Variants in ITIH2 observed in about 807,000 individuals in gnomAD.
ITIH2 encodes the protein inter-alpha-trypsin inhibitor heavy chain 2.
A neutral mutation model predicts 104.4 loss-of-function variants in ITIH2; 103 were observed. The ratio of observed to expected loss-of-function variants is 0.99; its 90% CI spans 0.84 to 1.16. ITIH2 has a LOEUF of 1.16. Among genes scored for constraint, ITIH2 ranks in the 50% most tolerant of loss-of-function variants. ITIH2 has a pLI of 0.00. For synonymous variants in ITIH2, 436 were observed against 435.4 expected, an observed-to-expected ratio of 1.00 and a Z score of -0.02; for missense variants, 1,108 against 1,162.4, an observed-to-expected ratio of 0.95 and a Z score of 0.68.
At position 7,722,627 on chromosome 10, in the gene ITIH2, C is replaced by T. The variant is rs73621301; in HGVS notation, c.868-824C>T. ...CCATGTTTTCTCATCTCTGGGGCTG[C>T]GCTGTCTGGAACTCTCTTCCCCATT... On this transcript the variant is annotated intron_variant, in intron 8 of 20. Transcript: ENST00000358415. Among the ~76,000 whole-genome samples the T allele has an allele frequency of 2.1e-3, 313 of 152,236 alleles. 7 individuals are homozygous for T. Among genetic ancestry groups the T allele is most frequent in the African/African-American group, 6.1e-3 (252 of 41,538 alleles).
intron 2 of ITIH2, among the ~76,000 whole-genome samples, chr10:7,706,840 G>A (rs1190150171): frequency 3.9e-5 from 6 of 152,122 alleles, no homozygotes; most frequent in African/African-American, 7.2e-5. Context: ...CCTCATGGCC[G>A]AATGGAGGAT....
intron 1 of ITIH2, among the ~76,000 whole-genome samples, chr10:7,704,171 G>A (rs1306458647): frequency 6.6e-6 from 1 of 152,226 alleles, no homozygotes. Flanking sequence ...TCATACAAGA[G>A]CTATTTTTAT....
chr10:7,749,220 G>A lies in ITIH2; in HGVS notation c.2727G>A (p.Val909=). 6.2e-7 allele frequency: 1 copy of A among 1,614,162 alleles called. No individual in the cohort carries two copies. Among genetic ancestry groups the A allele is most frequent in the Non-Finnish European group, 8.5e-7 (1 of 1,180,034 alleles). The change falls in exon 21 of 21, where the codon GTG becomes GTA. Residue 909 remains valine (V), a synonymous_variant. Coordinates refer to ENST00000358415, the MANE Select transcript of ITIH2 (RefSeq NM_002216.3). ...AGAAAGACTACAGAACGGATCTAGT[G>A]TTTGGAACGGACGTTACCTGCTGGT... ...GLQKDYRTDL[V]FGTDVTCWFV... is the part of the protein sequence containing the mutation.
Position 7,738,540 on chromosome 10 carries a change from T to G in ITIH2, c.1958-81T>G. ...TAAGCTGACAATACCTGGGGGTGCA[T>G]AAAACAGATTCTTGACATGGTGAGC... On this transcript the variant is annotated intron_variant, in intron 15 of 20. Transcript: ENST00000358415. 2.7e-6 allele frequency: 4 copies of G among 1,505,710 alleles called. No individual in the cohort carries two copies. In the South Asian group the frequency reaches 4.5e-5, roughly 17 times the overall value. 93.3% of individuals were successfully genotyped at this position (1,505,710 alleles called of 1,614,324 possible).
chr10:7,746,732 G>C, intron 20 of ITIH2, 28 bp downstream of exon 20: 2 of 1,406,306 alleles, frequency 1.4e-6, no homozygotes, highest in Non-Finnish European at 2.0e-6. Flanking sequence ...GGACAGTGAC[G>C]AAAAGGCCTT....
chr10:7,748,391 T>TGCGC (rs1835200774), intron 20 of ITIH2, among the ~76,000 whole-genome samples: 1 of 149,744 alleles, frequency 6.7e-6, no homozygotes, highest in Non-Finnish European at 1.5e-5. Flanking sequence ...GTTCACGCAG[T>TGCGC]GTGAACGAGA....
At chr10:7,713,914 G>A (rs1294503054) in intron 5 of ITIH2, among the ~76,000 whole-genome samples, 1 of 151,922 alleles carries the variant, frequency 6.6e-6, no homozygotes, top group African/African-American at 2.4e-5. Flanking sequence ...TGTTGTCTAG[G>A]CTGGCCTCAA....
chr10:7,737,426 T>TAC (rs1554766638), intron 15 of ITIH2, among the ~76,000 whole-genome samples: 21 of 131,092 alleles, frequency 1.6e-4, no homozygotes, highest in African/African-American at 5.6e-4. Context: ...TATATATATA[T>TAC]ACACGTGTAT....
At position 7,709,043 on chromosome 10, in the gene ITIH2, CTT is replaced by C; in HGVS notation, c.216_217del (p.Tyr73Ter). 1 of 1,614,026 alleles carries C rather than the reference CTT, an allele frequency of 6.2e-7. No homozygotes were observed. Among genetic ancestry groups the C allele is most frequent in the Non-Finnish European group, 8.5e-7 (1 of 1,179,948 alleles). ...EMMEEVDQVT[L>X]YSYKVQSTIT... ...TCAGGAAGAGGTTGATCAAGTAACT[CTT>C]TATAGCTATAAAGTCCAGTCTACTA... On this transcript the variant is annotated frameshift_variant, in exon 4 of 21. Coordinates refer to ENST00000358415, the MANE Select transcript of ITIH2 (RefSeq NM_002216.3). LOFTEE classifies it high-confidence loss of function.
chr10:7,748,334 A>G (rs1332451900), intron 20 of ITIH2, among the ~76,000 whole-genome samples: 1 of 148,774 alleles, frequency 6.7e-6, no homozygotes, highest in Non-Finnish European at 1.5e-5. Flanking sequence ...TTCATAACTG[A>G]AACTGAGCTG....
chr10:7,705,700 TA>T (rs34935493), intron 2 of ITIH2, among the ~76,000 whole-genome samples: 11,502 of 131,810 alleles, frequency 0.087, 625 homozygotes, highest in African/African-American at 0.17. Context: ...CCACTCCATT[TA>T]AAAAAAAAAA....
At chr10:7,747,368 ATACT>A (rs1835189016) in intron 20 of ITIH2, among the ~76,000 whole-genome samples, 1 of 152,220 alleles carries the variant, frequency 6.6e-6, no homozygotes, top group South Asian at 2.1e-4. Context: ...TGGCTTTGAC[ATACT>A]TAATTAAACC....
intron 20 of ITIH2, among the ~76,000 whole-genome samples, chr10:7,748,449 A>G (rs558475502): frequency 7.0e-6 from 1 of 143,330 alleles, no homozygotes; most frequent in East Asian, 2.1e-4. Context: ...GAGGACATGA[A>G]TCTGCTCAGA....
At chr10:7,732,528 C>T (rs1835013802) in intron 14 of ITIH2, 51 bp downstream of exon 14, 1 of 1,581,200 alleles carries the variant, frequency 6.3e-7, no homozygotes, top group Admixed American at 1.7e-5. Context: ...CTGAAATGTC[C>T]ACCGTGAATA....
intron 14 of ITIH2, among the ~76,000 whole-genome samples, chr10:7,734,440 A>G (rs1835032981): frequency 6.6e-6 from 1 of 152,258 alleles, no homozygotes; most frequent in African/African-American, 2.4e-5. Context: ...CATGCCTGTA[A>G]TCCCAGCACT....
Position 7,749,434 on chromosome 10 carries a change from C to G in ITIH2, c.*100C>G. The G allele has an allele frequency of 5.8e-6, 6 of 1,042,018 alleles. No homozygotes were observed. The highest frequency in any genetic ancestry group is 8.3e-6 in the Non-Finnish European group (6 of 718,714). The allele number at this position is 1,042,018 out of a possible 1,614,324, so 64.5% of individuals were successfully genotyped here. A position where few individuals can be genotyped will look rare whatever the true frequency, so the allele number is the denominator to read the frequency against. ...TGAATAATTAAAATGAACCAGATATCAGGGTGGTTAATTAAAATGAACCAG... is the reference window on the plus strand; with the variant it reads ...TGAATAATTAAAATGAACCAGATATGAGGGTGGTTAATTAAAATGAACCAG... On this transcript the variant is annotated 3_prime_UTR_variant, in exon 21 of 21. Transcript: ENST00000358415.
chr10:7,739,801 T>C (rs1455152885), intron 16 of ITIH2, among the ~76,000 whole-genome samples: 1 of 151,884 alleles, frequency 6.6e-6, no homozygotes, highest in African/African-American at 2.4e-5. Context: ...AGGTGGGAGG[T>C]TTGCCTGAGC....
chr10:7,704,544 C>T (rs1834726918), intron 1 of ITIH2, among the ~76,000 whole-genome samples: 1 of 152,172 alleles, frequency 6.6e-6, no homozygotes, highest in South Asian at 2.1e-4. Flanking sequence ...CCCCAGACAC[C>T]CACCTAATCA....
At chr10:7,725,728 C>T (rs1834945450) in intron 9 of ITIH2, among the ~76,000 whole-genome samples, 1 of 152,132 alleles carries the variant, frequency 6.6e-6, no homozygotes, top group Non-Finnish European at 1.5e-5. Context: ...CCCACGTTGG[C>T]CATGGAAGCG....
Sources: gnomAD v4.1 joint callset for allele counts (sites outside exome capture counted in the v4.1 genomes callset) on GRCh38, gnomAD v4.1.1 for gene constraint, MANE v1.5 for transcripts, NCBI Gene and HGNC (gene_info 2026-07-23, HGNC 2026-07-21) for gene names.